DGKG: variants seen among roughly 807,000 people sequenced by gnomAD.
DGKG encodes the protein diacylglycerol kinase gamma.
Under a neutral mutation model 105.3 loss-of-function variants are expected in DGKG, and 78 were observed. The observed-to-expected ratio is 0.74, with a 90% CI of 0.62 to 0.89. The LOEUF is 0.89. DGKG is among the 40% of genes least tolerant of loss of function. The pLI, the probability that DGKG is intolerant of heterozygous loss-of-function variation, is 0.00. For missense variants in DGKG, 958 were observed against 1,020.1 expected, an observed-to-expected ratio of 0.94 and a Z score of 0.83; for synonymous variants, 346 against 367.1, an observed-to-expected ratio of 0.94 and a Z score of 0.66.
intron 19 of DGKG, among the ~76,000 whole-genome samples, chr3:186,243,845 A>T (rs988491819): frequency 1.3e-5 from 2 of 151,118 alleles, no homozygotes; most frequent in African/African-American, 4.9e-5. Flanking sequence ...GTGAATTTTG[A>T]ATTTTCATCA....
intron 5 of DGKG, 79 bp from the exon 6 acceptor site, chr3:186,288,959 T>G: frequency 7.1e-7 from 1 of 1,403,146 alleles, no homozygotes; most frequent in Non-Finnish European, 9.6e-7. Flanking sequence ...CCCCATCCTT[T>G]TCATGGTAGA....
intron 18 of DGKG, 44 bp from the exon 19 acceptor site, chr3:186,251,963 G>A (rs989846570): frequency 2.0e-6 from 3 of 1,509,170 alleles, no homozygotes; most frequent in Admixed American, 2.1e-5. Context: ...CAGAAAGGCT[G>A]TATTCTTGCT....
At chr3:186,280,954 G>A (rs901108223) in intron 7 of DGKG, 2 of 513,452 alleles carry the variant, frequency 3.9e-6, no homozygotes, top group Non-Finnish European at 7.1e-6. Flanking sequence ...ATAAGCTGGA[G>A]GTATGCAAAA....
Position 186,265,240 on chromosome 3 carries a change from G to C in DGKG, c.1269+7C>G, listed in dbSNP as rs1304891668. On this transcript the variant is annotated splice_region_variant and intron_variant, in intron 14 of 24. Transcript: ENST00000265022. ...AGGTGCAATCGGATTTAGAGCTCAT[G>C]AGGTACCTGCATGACAAGTTCGCCC... 6.2e-7 allele frequency: 1 copy of C among 1,613,572 alleles called. No individual in the cohort carries two copies. The highest frequency in any genetic ancestry group is 1.1e-5 in the South Asian group (1 of 91,072).
chr3:186,148,728 G>A lies in DGKG; in HGVS notation c.*1362C>T. The A allele has an allele frequency of 1.0e-6, 1 of 984,954 alleles. No homozygotes were observed. Among genetic ancestry groups the A allele is most frequent in the Non-Finnish European group, 1.2e-6 (1 of 829,542 alleles). The allele number at this position is 984,954 out of a possible 1,614,324, so 61.0% of individuals were successfully genotyped here. The stretch of plus-strand genomic sequence containing the variant: ...TGGGAGAGTAAATCCAGCCCAGCAG[G>A]TCTTTCATGCTTGTTTTGAGGATCC... On this transcript the variant is annotated 3_prime_UTR_variant, in exon 25 of 25. Coordinates refer to ENST00000265022, the MANE Select transcript of DGKG (RefSeq NM_001346.3).
At position 186,186,143 on chromosome 3, in the gene DGKG, C is replaced by T. The variant is rs79220001; in HGVS notation, c.2095+2059G>A. 2.9e-3 allele frequency among the ~76,000 whole-genome samples: 434 copies of T among 150,084 alleles called. 6 individuals are homozygous for T. The highest frequency in any genetic ancestry group is 0.01 in the African/African-American group (417 of 40,888). ...GAGGTCAACAATTCCTGAATCCTCT[C>T]TTAAAGGACAGAGGTGTGGAGATGA... On this transcript the variant is annotated intron_variant, in intron 22 of 24. Transcript: ENST00000265022.
At chr3:186,285,451 G>A (rs971349110) in intron 6 of DGKG, among the ~76,000 whole-genome samples, 1 of 152,100 alleles carries the variant, frequency 6.6e-6, no homozygotes, top group African/African-American at 2.4e-5. Flanking sequence ...TCGGAAATAC[G>A]CTATTCAGAA....
At chr3:186,187,811 T>C (rs935287019) in intron 22 of DGKG, among the ~76,000 whole-genome samples, 4 of 152,060 alleles carry the variant, frequency 2.6e-5, no homozygotes, top group African/African-American at 9.7e-5. Flanking sequence ...AATCAAGTCC[T>C]AGAAGCCAAG....
chr3:186,281,840 G>C (rs1722843453), intron 7 of DGKG, among the ~76,000 whole-genome samples: 1 of 152,122 alleles, frequency 6.6e-6, no homozygotes, highest in Admixed American at 6.5e-5. Context: ...TAGAAGCAGA[G>C]TTGGCAGATT....
chr3:186,357,641 G>A (rs566665401), intron 1 of DGKG, among the ~76,000 whole-genome samples: 27 of 152,240 alleles, frequency 1.8e-4, no homozygotes, highest in Middle Eastern at 3.4e-3. Context: ...ACTCAGAGTC[G>A]GTGCCCAGTA....
At chr3:186,339,637 A>C (rs1725994018) in intron 1 of DGKG, among the ~76,000 whole-genome samples, 1 of 152,212 alleles carries the variant, frequency 6.6e-6, no homozygotes, top group Non-Finnish European at 1.5e-5. Context: ...TAATGAGCCC[A>C]GCTTACTGAA....
At chr3:186,189,984 G>C (rs1390168364) in intron 21 of DGKG, among the ~76,000 whole-genome samples, 1 of 152,080 alleles carries the variant, frequency 6.6e-6, no homozygotes, top group Non-Finnish European at 1.5e-5. Context: ...CATGTATTCA[G>C]CACTGCCATC....
intron 22 of DGKG, among the ~76,000 whole-genome samples, chr3:186,186,098 A>AT (rs1215575927): frequency 2.7e-5 from 4 of 148,322 alleles, no homozygotes; most frequent in South Asian, 4.4e-4. Flanking sequence ...CTCTGCCTCA[A>AT]AAAAAAAAAA....
intron 20 of DGKG, among the ~76,000 whole-genome samples, chr3:186,215,158 C>T (rs746679232): frequency 3.3e-5 from 5 of 152,158 alleles, no homozygotes; most frequent in Non-Finnish European, 5.9e-5. Context: ...CGCCTGTCAT[C>T]CCAGCGCTTT....
chr3:186,299,837 CTT>C (rs67637144), intron 3 of DGKG, among the ~76,000 whole-genome samples: 6 of 90,060 alleles, frequency 6.7e-5, no homozygotes, highest in Non-Finnish European at 9.1e-5. Context: ...TTCTTTCTTT[CTT>C]TTTTTTTTTT....
At chr3:186,165,108 A>G in intron 22 of DGKG, 90 bp from the exon 23 acceptor site, 7 of 1,430,268 alleles carry the variant, frequency 4.9e-6, no homozygotes, top group Non-Finnish European at 6.6e-6. Context: ...CAGATGGCCA[A>G]TGTCTGTATC....
intron 1 of DGKG, among the ~76,000 whole-genome samples, chr3:186,322,035 A>G (rs1725103963): frequency 6.6e-6 from 1 of 152,136 alleles, no homozygotes; most frequent in Admixed American, 6.5e-5. Context: ...TCTCTCTGCA[A>G]TCTTTCTTTG....
At chr3:186,303,176 T>A (rs1453467112) in intron 3 of DGKG, among the ~76,000 whole-genome samples, 1 of 152,196 alleles carries the variant, frequency 6.6e-6, no homozygotes, top group African/African-American at 2.4e-5. Context: ...CTCAAGGTGA[T>A]ATCTGGGTTA....
At chr3:186,338,523 T>C (rs1725937958) in intron 1 of DGKG, among the ~76,000 whole-genome samples, 1 of 152,196 alleles carries the variant, frequency 6.6e-6, no homozygotes, top group Admixed American at 6.5e-5. Context: ...GCAATATTTG[T>C]AGTGGTACAA....
Sources: allele counts gnomAD v4.1 joint callset (sites outside exome capture counted in the v4.1 genomes callset), GRCh38; gene constraint gnomAD v4.1.1; transcripts MANE v1.5; gene names NCBI Gene and HGNC (gene_info 2026-07-23, HGNC 2026-07-21).